Variants in PARD3 observed in about 807,000 individuals in gnomAD.
The protein encoded by PARD3 is partitioning defective 3 homolog.
Under a neutral mutation model 155.4 loss-of-function variants are expected in PARD3, and 75 were observed. The observed-to-expected ratio is 0.48, with a 90% CI of 0.40 to 0.58. PARD3 has a LOEUF of 0.58. Ranked by LOEUF, PARD3 falls within the 20% of genes least tolerant of loss-of-function variation. PARD3 has a pLI of 0.00. For synonymous variants in PARD3, 576 were observed against 610.5 expected (o/e 0.94, Z 0.83); for missense variants, 1,642 against 1,721.7 (o/e 0.95, Z 0.82).
At chr10:34,287,165 TG>T (rs1956439286) in intron 20 of PARD3, among the ~76,000 whole-genome samples, 1 of 152,158 alleles carries the variant, frequency 6.6e-6, no homozygotes, top group African/African-American at 2.4e-5. Context: ...CACTTCATCC[TG>T]GAAGTTCTGC....
At chr10:34,710,159 T>C (rs889244846) in intron 1 of PARD3, among the ~76,000 whole-genome samples, 1 of 152,196 alleles carries the variant, frequency 6.6e-6, no homozygotes, top group African/African-American at 2.4e-5. Context: ...GAATGGGAAC[T>C]AGCTATACAC....
chr10:34,285,269 G>A lies in PARD3; in HGVS notation c.3066-1024C>T, dbSNP rs142200120. ...TGGCGTACTGTGACAATTTCATATC[G>A]AAAAAGAGGGTCAGGCCCAGTGGTT... On this transcript the variant is annotated intron_variant, in intron 20 of 24. Coordinates refer to ENST00000374788, the MANE Select transcript of PARD3 (RefSeq NM_001184785.2). Among the ~76,000 whole-genome samples the A allele has an allele frequency of 2.9e-3, 436 of 152,214 alleles. 3 individuals are homozygous for A. Among genetic ancestry groups the A allele is most frequent in the African/African-American group, 9.9e-3 (410 of 41,548 alleles).
At chr10:34,514,683 T>TC (rs2081601510) in intron 3 of PARD3, among the ~76,000 whole-genome samples, 1 of 152,186 alleles carries the variant, frequency 6.6e-6, no homozygotes, top group Non-Finnish European at 1.5e-5. Context: ...AACTTCTTTT[T>TC]CTCAATAAAA....
intron 1 of PARD3, among the ~76,000 whole-genome samples, chr10:34,802,301 C>T (rs1307060715): frequency 1.3e-5 from 2 of 151,846 alleles, no homozygotes; most frequent in African/African-American, 4.8e-5. Flanking sequence ...AAAAAAGTAG[C>T]CCTTTAACAG....
At chr10:34,404,536 T>C (rs1027875658) in intron 5 of PARD3, among the ~76,000 whole-genome samples, 1 of 152,010 alleles carries the variant, frequency 6.6e-6, no homozygotes, top group Non-Finnish European at 1.5e-5. Flanking sequence ...AATAGAACTA[T>C]ATAGTATCAA....
intron 3 of PARD3, among the ~76,000 whole-genome samples, chr10:34,474,196 G>C (rs371004020): frequency 2.0e-5 from 3 of 152,150 alleles, no homozygotes; most frequent in Admixed American, 6.5e-5. Flanking sequence ...CTCATCAAAG[G>C]ATGGCCAAAT....
rs558869936 is a variant in PARD3 at position 34,348,238 on chromosome 10, T to C, written c.2068-123A>G. ...AACTGGGTACCAAATGAACTAGAACTTTTCACCCTGTACCAAAATAATTTG... is the reference window on the plus strand; with the variant it reads ...AACTGGGTACCAAATGAACTAGAACCTTTCACCCTGTACCAAAATAATTTG... On this transcript the variant is annotated intron_variant, in intron 14 of 24. Transcript: ENST00000374788. 40 of 736,796 alleles carry C rather than the reference T, an allele frequency of 5.4e-5. No homozygotes were observed. The African/African-American group carries it at 5.9e-4, about 11-fold the overall frequency. 45.6% of individuals were successfully genotyped at this position (736,796 alleles called of 1,614,324 possible). A position where few individuals can be genotyped will look rare whatever the true frequency, so the allele number is the denominator to read the frequency against.
chr10:34,543,867 A>T (rs2083835453), intron 2 of PARD3, among the ~76,000 whole-genome samples: 1 of 152,182 alleles, frequency 6.6e-6, no homozygotes, highest in Non-Finnish European at 1.5e-5. Context: ...ATTAATAGTC[A>T]ATGTAATAGC....
chr10:34,547,853 T>C (rs1013820811), intron 2 of PARD3, among the ~76,000 whole-genome samples: 14 of 152,348 alleles, frequency 9.2e-5, no homozygotes, highest in African/African-American at 3.1e-4. Flanking sequence ...TACGTGTTGA[T>C]AACTACTGAA....
chr10:34,640,620 G>A (rs1162290059), intron 2 of PARD3, among the ~76,000 whole-genome samples: 1 of 141,214 alleles, frequency 7.1e-6, no homozygotes, highest in African/African-American at 2.6e-5. Flanking sequence ...TGAAGCACGA[G>A]TTTGCTTGAA....
At chr10:34,800,141 C>CA (rs34983969) in intron 1 of PARD3, among the ~76,000 whole-genome samples, 91 of 142,190 alleles carry the variant, frequency 6.4e-4, no homozygotes, top group East Asian at 6.3e-3. Flanking sequence ...TGCAACTTCC[C>CA]AAAAAAAAAA....
rs1564528150 is a variant in PARD3, at chr10:34,261,776, G to GA, written c.3419+7880dup. Among the ~76,000 whole-genome samples, 44 of 83,016 alleles carry GA rather than the reference G, an allele frequency of 5.3e-4. 1 individual carries two copies. The South Asian group carries it at 0.017, about 32-fold the overall frequency. 54.5% of individuals were successfully genotyped at this position (83,016 alleles called of 152,430 possible). A position where few individuals can be genotyped will look rare whatever the true frequency, so the allele number is the denominator to read the frequency against. On this transcript the variant is annotated intron_variant, in intron 22 of 24. Transcript: ENST00000374788. ...AGGAAGAAAGGAAGGAAGGAAGAAA[G>GA]AAAGAAAAGAAAGAAAGAAAGAAAG...
chr10:34,753,491 T>C (rs1002937487), intron 1 of PARD3, among the ~76,000 whole-genome samples: 1 of 152,228 alleles, frequency 6.6e-6, no homozygotes, highest in African/African-American at 2.4e-5. Flanking sequence ...CAAATATTTC[T>C]AAAGACCTTG....
chr10:34,590,182 CA>C (rs2088536669), intron 2 of PARD3, among the ~76,000 whole-genome samples: 1 of 152,152 alleles, frequency 6.6e-6, no homozygotes. Flanking sequence ...GGCTGTTCAC[CA>C]ACCACTCTTC....
At chr10:34,435,869 T>C (rs1271024969) in intron 5 of PARD3, among the ~76,000 whole-genome samples, 6 of 152,190 alleles carry the variant, frequency 3.9e-5, no homozygotes, top group Non-Finnish European at 8.8e-5. Flanking sequence ...GAACACAGCA[T>C]AAAACTCTTA....
At chr10:34,501,922 C>A (rs906135700) in intron 3 of PARD3, among the ~76,000 whole-genome samples, 1 of 152,116 alleles carries the variant, frequency 6.6e-6, no homozygotes, top group Admixed American at 6.5e-5. Flanking sequence ...GGATGTGGGG[C>A]CTTGTGGGAA....
intron 3 of PARD3, among the ~76,000 whole-genome samples, chr10:34,506,996 T>A (rs1589814709): frequency 6.6e-6 from 1 of 152,196 alleles, no homozygotes; most frequent in Non-Finnish European, 1.5e-5. Flanking sequence ...AATTTTCACC[T>A]GCGCCTCCAG....
chr10:34,330,770 A>T (rs1835534727), intron 19 of PARD3, among the ~76,000 whole-genome samples: 1 of 152,156 alleles, frequency 6.6e-6, no homozygotes. Flanking sequence ...TTTACCAAAA[A>T]ATATATATAT....
chr10:34,515,083 G>C (rs2081627693), intron 3 of PARD3, among the ~76,000 whole-genome samples: 1 of 152,092 alleles, frequency 6.6e-6, no homozygotes, highest in Non-Finnish European at 1.5e-5. Flanking sequence ...GTCAAATTTA[G>C]GCAGTCTACA....
Sources: gnomAD v4.1 joint callset for allele counts (sites outside exome capture counted in the v4.1 genomes callset) on GRCh38, gnomAD v4.1.1 for gene constraint, MANE v1.5 for transcripts, NCBI Gene and HGNC (gene_info 2026-07-23, HGNC 2026-07-21) for gene names.